Variants in LONP2 observed in about 807,000 individuals in gnomAD.
LONP2 encodes the protein lon protease homolog 2, peroxisomal.
LONP2 carries 60 observed loss-of-function variants against 85.6 expected under a neutral mutation model. The ratio of observed to expected loss-of-function variants is 0.70; its 90% confidence interval spans 0.57 to 0.87. The LOEUF is 0.87. LONP2 is among the 40% of genes least tolerant of loss of function. The pLI is 0.00. For synonymous variants in LONP2, 395 were observed against 389.7 expected (o/e 1.01, Z -0.16); for missense variants, 860 against 1,063.5 (o/e 0.81, Z 2.66).
intron 12 of LONP2, 136 bp from the exon 13 acceptor site, chr16:48,347,371 A>G: frequency 1.3e-6 from 1 of 757,006 alleles, no homozygotes; most frequent in Non-Finnish European, 2.3e-6. Flanking sequence ...GTGACGCAGA[A>G]TCATGTTAGG....
intron 12 of LONP2, among the ~76,000 whole-genome samples, chr16:48,337,992 A>T (rs1218442353): frequency 6.6e-6 from 1 of 152,058 alleles, no homozygotes; most frequent in Non-Finnish European, 1.5e-5. Context: ...TTTTTTGTAG[A>T]GATGGGGTTT....
At chr16:48,350,342 T>C (rs1243188601) in intron 14 of LONP2, among the ~76,000 whole-genome samples, 3 of 151,942 alleles carry the variant, frequency 2.0e-5, no homozygotes, top group African/African-American at 7.3e-5. Flanking sequence ...TGAGCCAAGA[T>C]TGTGCCACTG....
rs1236159999 is a variant in LONP2, at chr16:48,244,571, C to T, written c.183C>T (p.Pro61=). 2.0e-6 allele frequency: 3 copies of T among 1,521,056 alleles called. No homozygotes were observed. Among genetic ancestry groups the T allele is most frequent in the Admixed American group, 2.1e-5 (1 of 47,688 alleles). 94.2% of individuals were successfully genotyped at this position (1,521,056 alleles called of 1,614,324 possible). A position where few individuals can be genotyped will look rare whatever the true frequency, so the allele number is the denominator to read the frequency against. Residue 61 remains proline (P), a synonymous_variant, in exon 1 of 15, where the codon CCC becomes CCT. Transcript: ENST00000285737. ...SLQSTILGVI[P]NTPDPASDAQ... ...AAAGCACCATCCTGGGCGTCATCCC[C>T]AACACGCCTGACCCCGCCAGCGACG...
At chr16:48,274,295 C>T (rs1431518997) in intron 7 of LONP2, among the ~76,000 whole-genome samples, 1 of 152,124 alleles carries the variant, frequency 6.6e-6, no homozygotes, top group Admixed American at 6.6e-5. Flanking sequence ...AACATAAATA[C>T]GTTTATAAAA....
Position 48,351,568 on chromosome 16 carries a change from T to A in LONP2, c.2338-13T>A. 1.2e-6 allele frequency: 2 copies of A among 1,607,946 alleles called. No homozygotes were observed. The highest frequency in any genetic ancestry group is 1.7e-6 in the Non-Finnish European group (2 of 1,176,516). On this transcript the variant is annotated splice_polypyrimidine_tract_variant and intron_variant, in intron 14 of 14. Transcript: ENST00000285737. ...TGATCATTAACCCTAAAAACTTTTTTCTCTCCTTACAGGTGGGTGGAATTA... is the reference window on the plus strand; with the variant it reads ...TGATCATTAACCCTAAAAACTTTTTACTCTCCTTACAGGTGGGTGGAATTA...
intron 1 of LONP2, among the ~76,000 whole-genome samples, chr16:48,245,155 C>T (rs900572213): frequency 6.6e-6 from 1 of 152,134 alleles, no homozygotes; most frequent in Non-Finnish European, 1.5e-5. Context: ...TTCTTCTATA[C>T]TCCCTGCCAC....
intron 6 of LONP2, 27 bp from the exon 7 acceptor site, chr16:48,269,988 TA>T: frequency 1.3e-6 from 2 of 1,588,484 alleles, no homozygotes; most frequent in Non-Finnish European, 1.7e-6. Context: ...TTATGTGTTC[TA>T]ATTATTTCTG....
At position 48,351,486 on chromosome 16, in the gene LONP2, A is replaced by G; in HGVS notation, c.2338-95A>G. ...GAAGATGATTTGGATGTTTTAAAAT[A>G]GTAGTGGTTAAATTCAGTGAAAGAA... On this transcript the variant is annotated intron_variant, in intron 14 of 14. Coordinates refer to ENST00000285737, the MANE Select transcript of LONP2 (RefSeq NM_031490.5). 2.3e-5 allele frequency: 21 copies of G among 901,804 alleles called. 1 individual carries two copies. The South Asian group carries it at 3.4e-4, about 15-fold the overall frequency. The allele number at this position is 901,804 out of a possible 1,614,324, so 55.9% of individuals were successfully genotyped here.
chr16:48,347,491 T>G lies in LONP2; in HGVS notation c.1939-16T>G. The G allele has an allele frequency of 6.2e-7, 1 of 1,613,748 alleles. No individual in the cohort carries two copies. The highest frequency in any genetic ancestry group is 8.5e-7 in the Non-Finnish European group (1 of 1,179,660). On this transcript the variant is annotated splice_polypyrimidine_tract_variant and intron_variant, in intron 12 of 14. Transcript: ENST00000285737. ...GCATTTGCCAACCCAACTCTGATCATTCTTCTTCTTTCAAGGTATCTCAGC... is the reference window on the plus strand; with the variant it reads ...GCATTTGCCAACCCAACTCTGATCAGTCTTCTTCTTTCAAGGTATCTCAGC...
At chr16:48,285,220 C>T (rs1261705743) in intron 8 of LONP2, among the ~76,000 whole-genome samples, 4 of 151,794 alleles carry the variant, frequency 2.6e-5, no homozygotes, top group Admixed American at 1.3e-4. Context: ...AAGCTTGTGG[C>T]GGATCTCTTA....
intron 8 of LONP2, among the ~76,000 whole-genome samples, chr16:48,288,684 T>C (rs1972500050): frequency 6.6e-6 from 1 of 152,108 alleles, no homozygotes; most frequent in Admixed American, 6.6e-5. Context: ...GGGTCTCCTC[T>C]TTCCTCTTAT....
intron 12 of LONP2, among the ~76,000 whole-genome samples, chr16:48,339,170 A>T (rs1959743953): frequency 6.6e-6 from 1 of 152,204 alleles, no homozygotes; most frequent in Non-Finnish European, 1.5e-5. Flanking sequence ...GAGCCAACAA[A>T]GAAGTCGGGA....
chr16:48,357,471 T>C (rs1960417276), downstream of LONP2: 1 of 152,040 alleles, frequency 6.6e-6, no homozygotes, highest in African/African-American at 2.4e-5. Flanking sequence ...TGTAACACTC[T>C]ATCTGTACCT....
chr16:48,304,272 T>C (rs1377390637), intron 11 of LONP2, among the ~76,000 whole-genome samples: 1 of 152,244 alleles, frequency 6.6e-6, no homozygotes, highest in African/African-American at 2.4e-5. Context: ...AATAGCTCCA[T>C]GTGTAATAAT....
At chr16:48,360,563 G>A (rs1960542933), downstream of LONP2, 1 of 152,520 alleles carries the variant, frequency 6.6e-6, no homozygotes, top group Non-Finnish European at 1.5e-5. Context: ...CTTTTAATGA[G>A]AATTATAAAA....
In LONP2 at chr16:48,347,731, G is replaced by A. The variant is rs766663965; in HGVS notation, c.2146+17G>A. On this transcript the variant is annotated intron_variant, in intron 13 of 14. Coordinates refer to ENST00000285737, the MANE Select transcript of LONP2 (RefSeq NM_031490.5). ...TGACCAATGGTAGGAGCCTGCACCC[G>A]GCCAGGCAGGCGTGACCCAGGAGGC... is the stretch of plus-strand genomic sequence containing the variant. 6.2e-6 allele frequency: 10 copies of A among 1,603,992 alleles called. No individual in the cohort carries two copies. Among genetic ancestry groups the A allele is most frequent in the African/African-American group, 2.7e-5 (2 of 74,770 alleles).
At chr16:48,247,879 C>CCT (rs1971497119) in intron 1 of LONP2, among the ~76,000 whole-genome samples, 1 of 152,176 alleles carries the variant, frequency 6.6e-6, no homozygotes, top group South Asian at 2.1e-4. Flanking sequence ...GATCCTCCTG[C>CCT]CTCTGTCTCC....
intron 7 of LONP2, among the ~76,000 whole-genome samples, chr16:48,271,376 T>G (rs1972102168): frequency 6.6e-6 from 1 of 152,174 alleles, no homozygotes; most frequent in Non-Finnish European, 1.5e-5. Context: ...ATACCTATAG[T>G]GTATGTGTTA....
chr16:48,351,526 T>G, intron 14 of LONP2, 55 bp from the exon 15 acceptor site: 1 of 1,413,132 alleles, frequency 7.1e-7, no homozygotes, highest in Non-Finnish European at 9.7e-7. Flanking sequence ...GGGTCAGGGT[T>G]TCTTTCAGCT....
Sources: gnomAD v4.1 joint callset for allele counts (sites outside exome capture counted in the v4.1 genomes callset) on GRCh38, gnomAD v4.1.1 for gene constraint, MANE v1.5 for transcripts, NCBI Gene and HGNC (gene_info 2026-07-23, HGNC 2026-07-21) for gene names.